AGBL4: variants seen among roughly 807,000 people sequenced by gnomAD.
AGBL4 encodes cytosolic carboxypeptidase 6.
In AGBL4, 58 loss-of-function variants were observed where a neutral mutation model predicts 66.4. The observed-to-expected ratio is 0.87, with a 90% CI of 0.71 to 1.09. The LOEUF (loss-of-function observed/expected upper bound fraction) is 1.09. Ranked by LOEUF, AGBL4 falls within the 50% of genes least tolerant of loss-of-function variation. The pLI, the probability that AGBL4 is intolerant of heterozygous loss-of-function variation, is 0.00. For synonymous variants in AGBL4, 234 were observed against 222.9 expected, an observed-to-expected ratio of 1.05 and a Z score of -0.44; for missense variants, 579 against 631.0, an observed-to-expected ratio of 0.92 and a Z score of 0.88.
chr1:49,624,353 CAG>C (rs1009987131), intron 3 of AGBL4, among the ~76,000 whole-genome samples: 23 of 152,264 alleles, frequency 1.5e-4, no homozygotes, highest in Admixed American at 7.2e-4. Context: ...AGAAGGCTGA[CAG>C]GGATCTTAAG....
intron 3 of AGBL4, among the ~76,000 whole-genome samples, chr1:49,454,060 T>C (rs1646337435): frequency 1.3e-5 from 2 of 151,776 alleles, no homozygotes; most frequent in Admixed American, 6.6e-5. Context: ...AGAAAAAAAC[T>C]AAATCCTAAA....
intron 3 of AGBL4, among the ~76,000 whole-genome samples, chr1:49,358,023 A>C (rs1444144326): frequency 6.6e-6 from 1 of 152,066 alleles, no homozygotes; most frequent in African/African-American, 2.4e-5. Context: ...TTAGTACTCC[A>C]ATTATGGCAG....
chr1:49,184,581 G>A (rs369932572), intron 4 of AGBL4, among the ~76,000 whole-genome samples: 1 of 152,112 alleles, frequency 6.6e-6, no homozygotes, highest in Non-Finnish European at 1.5e-5. Context: ...CAGGAACCCC[G>A]ATACTAATTA....
At chr1:49,276,302 C>T (rs1161510868) in intron 3 of AGBL4, among the ~76,000 whole-genome samples, 2 of 152,096 alleles carry the variant, frequency 1.3e-5, no homozygotes, top group African/African-American at 4.8e-5. Context: ...TTCTCCCGCT[C>T]CTTTGCCTAT....
intron 3 of AGBL4, among the ~76,000 whole-genome samples, chr1:49,499,083 T>C (rs1381265239): frequency 6.6e-6 from 1 of 152,066 alleles, no homozygotes; most frequent in African/African-American, 2.4e-5. Context: ...AAAATGAGTA[T>C]GGAACTATTC....
rs1646911990 is a variant in AGBL4, at chr1:49,479,526, AG to A, written c.282+217786del. Reference sequence around the variant, plus strand: ...ATGTGTCTGTGTGTTATCATCATTTAGGTCCCACTTATAAGTGAGAACGTGG... The same window carrying A: ...ATGTGTCTGTGTGTTATCATCATTTAGTCCCACTTATAAGTGAGAACGTGG... On this transcript the variant is annotated intron_variant, in intron 3 of 13. Transcript: ENST00000371839. Among the ~76,000 whole-genome samples the A allele has an allele frequency of 2.0e-5, 3 of 151,888 alleles. No homozygotes were observed. In the South Asian group the frequency reaches 6.2e-4, roughly 32 times the overall value.
intron 5 of AGBL4, among the ~76,000 whole-genome samples, chr1:49,005,131 A>G (rs772661158): frequency 1.3e-5 from 2 of 152,186 alleles, no homozygotes; most frequent in South Asian, 2.1e-4. Flanking sequence ...TAGTTGAAAA[A>G]TCATATCACC....
At chr1:49,549,894 C>T (rs1407994507) in intron 3 of AGBL4, among the ~76,000 whole-genome samples, 2 of 152,092 alleles carry the variant, frequency 1.3e-5, no homozygotes, top group African/African-American at 4.8e-5. Context: ...ACGTCCCCAA[C>T]TATTATTATG....
At position 49,291,513 on chromosome 1, in the gene AGBL4, T is replaced by C. The variant is rs75546063; in HGVS notation, c.283-45649A>G. Among the ~76,000 whole-genome samples, 839 of 152,298 alleles carry C rather than the reference T, an allele frequency of 5.5e-3. 3 individuals are homozygous for C. The highest frequency in any genetic ancestry group is 0.011 in the South Asian group (52 of 4,826). ...TAAGCTATTGCTAAACACAATAATA[T>C]GGATAACAGATTGTTGAATAAAAGA... On this transcript the variant is annotated intron_variant, in intron 3 of 13. Transcript: ENST00000371839.
intron 2 of AGBL4, among the ~76,000 whole-genome samples, chr1:49,790,201 T>G (rs1571572299): frequency 1.3e-5 from 2 of 151,824 alleles, no homozygotes; most frequent in East Asian, 3.9e-4. Context: ...CACCCCCTAC[T>G]AAAAATACAA....
intron 4 of AGBL4, among the ~76,000 whole-genome samples, chr1:49,135,681 C>T (rs556420011): frequency 6.6e-6 from 1 of 152,182 alleles, no homozygotes. Context: ...AGGCACAGAT[C>T]GCTCATGCTA....
At chr1:49,111,707 G>C (rs1645415826) in intron 4 of AGBL4, among the ~76,000 whole-genome samples, 1 of 151,976 alleles carries the variant, frequency 6.6e-6, no homozygotes, top group Non-Finnish European at 1.5e-5. Context: ...CATCATATTA[G>C]AAAGCCCATG....
chr1:49,744,067 T>C (rs1650791752), intron 2 of AGBL4, among the ~76,000 whole-genome samples: 1 of 151,466 alleles, frequency 6.6e-6, no homozygotes, highest in Admixed American at 6.6e-5. Context: ...AAAAAAAAGA[T>C]AGTCTTAGAT....
At chr1:48,664,011 C>T (rs758918373) in intron 6 of AGBL4, among the ~76,000 whole-genome samples, 1 of 152,070 alleles carries the variant, frequency 6.6e-6, no homozygotes. Context: ...TATTTTCAGA[C>T]ATTGAACAAG....
chr1:49,192,004 T>C (rs569664972), intron 4 of AGBL4, among the ~76,000 whole-genome samples: 97 of 152,144 alleles, frequency 6.4e-4, no homozygotes, highest in Non-Finnish European at 9.3e-4. Context: ...GGTTGAGTGG[T>C]AGATCTAAGT....
chr1:49,123,100 G>T (rs186500090), intron 4 of AGBL4, among the ~76,000 whole-genome samples: 1 of 151,994 alleles, frequency 6.6e-6, no homozygotes, highest in Non-Finnish European at 1.5e-5. Context: ...TGATCTGCCC[G>T]CCTTGGCCTC....
intron 5 of AGBL4, among the ~76,000 whole-genome samples, chr1:48,923,607 C>T (rs768055655): frequency 6.6e-6 from 1 of 152,114 alleles, no homozygotes; most frequent in Non-Finnish European, 1.5e-5. Flanking sequence ...TTAATGTTTT[C>T]GTTTAGATTT....
chr1:49,037,011 T>G (rs542089403), intron 5 of AGBL4, among the ~76,000 whole-genome samples: 1 of 151,988 alleles, frequency 6.6e-6, no homozygotes, highest in Non-Finnish European at 1.5e-5. Context: ...GACTGAAAAG[T>G]GAAGTTTCTC....
intron 4 of AGBL4, among the ~76,000 whole-genome samples, chr1:49,147,785 A>C (rs1646247411): frequency 6.6e-6 from 1 of 152,102 alleles, no homozygotes; most frequent in Non-Finnish European, 1.5e-5. Flanking sequence ...ATGCTTGGGA[A>C]GAGCCTATAG....
Sources: allele counts gnomAD v4.1 joint callset (sites outside exome capture counted in the v4.1 genomes callset), GRCh38; gene constraint gnomAD v4.1.1; transcripts MANE v1.5; gene names NCBI Gene and HGNC (gene_info 2026-07-23, HGNC 2026-07-21).